The following FGF9 variants were observed in gnomAD, a reference collection of about 807,000 sequenced individuals.
The protein encoded by FGF9 is fibroblast growth factor 9 (glia-activating factor).
FGF9 carries 3 observed loss-of-function variants against 19.9 expected under a neutral mutation model. The observed-to-expected ratio is 0.15, with a 90% CI of 0.07 to 0.39. The LOEUF (loss-of-function observed/expected upper bound fraction) is 0.39, where lower values mean the gene tolerates loss of function less well. FGF9 is among the 10% of genes least tolerant of loss of function. FGF9 has a pLI of 1.00. For missense variants in FGF9, 175 were observed against 256.8 expected (o/e 0.68, Z 2.18); for synonymous variants, 107 against 106.9 (o/e 1.00, Z -0.01).
At chr13:21,679,971 A>T (rs1328881407) in intron 1 of FGF9, among the ~76,000 whole-genome samples, 1 of 151,246 alleles carries the variant, frequency 6.6e-6, no homozygotes, top group Non-Finnish European at 1.5e-5. Context: ...AAAAAAAAAA[A>T]AAAAAAATTA....
At chr13:21,697,928 C>T (rs1872449607) in intron 2 of FGF9, among the ~76,000 whole-genome samples, 1 of 152,094 alleles carries the variant, frequency 6.6e-6, no homozygotes, top group Non-Finnish European at 1.5e-5. Context: ...CTGCCTCAGC[C>T]TCCCGAGTAG....
At chr13:21,673,010 A>G (rs1455758753) in intron 1 of FGF9, among the ~76,000 whole-genome samples, 1 of 152,222 alleles carries the variant, frequency 6.6e-6, no homozygotes, top group Non-Finnish European at 1.5e-5. Context: ...GTGACTCAGC[A>G]CTGAGGGCTG....
At position 21,699,002 on chromosome 13, in the gene FGF9, G is replaced by A. The variant is rs17840916; in HGVS notation, c.382-2188G>A. Among the ~76,000 whole-genome samples, 275 of 152,310 alleles carry A rather than the reference G, an allele frequency of 1.8e-3. 1 individual carries two copies. Among genetic ancestry groups the A allele is most frequent in the African/African-American group, 5.7e-3 (238 of 41,572 alleles). ...CTGTGAGGAGACTATTATGCAAATG[G>A]AAGTAAGGACTAAAATAGCCATTAA... On this transcript the variant is annotated intron_variant, in intron 2 of 2. Transcript: ENST00000382353.
At chr13:21,674,661 G>A (rs1179669363) in intron 1 of FGF9, among the ~76,000 whole-genome samples, 2 of 151,894 alleles carry the variant, frequency 1.3e-5, no homozygotes, top group African/African-American at 4.8e-5. Flanking sequence ...GAGATTATGG[G>A]ATATTCTAGT....
In FGF9 at chr13:21,701,514, CTG is replaced by C; in HGVS notation, c.*83_*84del. 1 of 1,599,154 alleles carries C rather than the reference CTG, an allele frequency of 6.3e-7. No individual in the cohort carries two copies. Among genetic ancestry groups the C allele is most frequent in the Non-Finnish European group, 8.6e-7 (1 of 1,167,512 alleles). The stretch of plus-strand genomic sequence containing the variant: ...CACGCGGTGGGTTCTTATTGATTCG[CTG>C]TGTCATCACATCAGCTCCACTGTTG... On this transcript the variant is annotated 3_prime_UTR_variant, in exon 3 of 3. Transcript: ENST00000382353.
At chr13:21,687,768 G>A (rs1415181085) in intron 2 of FGF9, among the ~76,000 whole-genome samples, 1 of 152,172 alleles carries the variant, frequency 6.6e-6, no homozygotes, top group East Asian at 1.9e-4. Flanking sequence ...TGGTCCTGAT[G>A]GTGAAAGTAT....
intron 2 of FGF9, among the ~76,000 whole-genome samples, chr13:21,682,694 GTTT>G (rs35215268): frequency 8.1e-6 from 1 of 123,946 alleles, no homozygotes. Context: ...CACAACTTCA[GTTT>G]TTTTTTTTTT....
intron 2 of FGF9, among the ~76,000 whole-genome samples, chr13:21,699,396 C>T (rs534567683): frequency 9.8e-5 from 15 of 152,316 alleles, no homozygotes; most frequent in African/African-American, 3.6e-4. Context: ...CAAAACTTGT[C>T]CAGTGAGATA....
intron 1 of FGF9, among the ~76,000 whole-genome samples, chr13:21,675,108 G>C (rs1871879247): frequency 6.6e-6 from 1 of 151,844 alleles, no homozygotes; most frequent in Non-Finnish European, 1.5e-5. Context: ...TGGGGACTGG[G>C]GGCGCCGAGC....
chr13:21,701,512 C>T lies in FGF9; in HGVS notation c.*77C>T, dbSNP rs535082421. ...TTCACGCGGTGGGTTCTTATTGATT[C>T]GCTGTGTCATCACATCAGCTCCACT... On this transcript the variant is annotated 3_prime_UTR_variant, in exon 3 of 3. Coordinates refer to ENST00000382353, the MANE Select transcript of FGF9 (RefSeq NM_002010.3). 8.5e-5 allele frequency: 136 copies of T among 1,601,668 alleles called. 3 individuals carry two copies. In the South Asian group the frequency reaches 1.4e-3, roughly 17 times the overall value.
In FGF9 at chr13:21,704,217, AC is replaced by A. The variant is rs1872604313; in HGVS notation, c.*2783del. 1 of 152,162 alleles carries A rather than the reference AC, an allele frequency of 6.6e-6. No individual in the cohort carries two copies. Among genetic ancestry groups the A allele is most frequent in the African/African-American group, 2.4e-5 (1 of 41,430 alleles). The allele number at this position is 152,162 out of a possible 1,614,324, so 9.4% of individuals were successfully genotyped here. Reference sequence around the variant, plus strand: ...CTGTCTTGTTGGTGCCAACACTTGCACTGTGGTCAAAGACTTACCGAGCATG... The same window carrying A: ...CTGTCTTGTTGGTGCCAACACTTGCATGTGGTCAAAGACTTACCGAGCATG... On this transcript the variant is annotated 3_prime_UTR_variant, in exon 3 of 3. Transcript: ENST00000382353.
chr13:21,682,206 T>TCA (rs945378100), intron 2 of FGF9, among the ~76,000 whole-genome samples: 1 of 151,782 alleles, frequency 6.6e-6, no homozygotes, highest in Non-Finnish European at 1.5e-5. Context: ...AGAGACAAGG[T>TCA]CACGCTATGT....
intron 1 of FGF9, among the ~76,000 whole-genome samples, chr13:21,675,089 G>C (rs1871878747): frequency 6.6e-6 from 1 of 151,454 alleles, no homozygotes; most frequent in African/African-American, 2.4e-5. Flanking sequence ...CGGAAGCCCC[G>C]GCCCAGGTTG....
chr13:21,689,626 A>C (rs1005538399), intron 2 of FGF9, among the ~76,000 whole-genome samples: 1 of 152,174 alleles, frequency 6.6e-6, no homozygotes, highest in Non-Finnish European at 1.5e-5. Context: ...TAGTAATTGC[A>C]CTTCTAAGTG....
chr13:21,681,975 A>G (rs921525752), intron 2 of FGF9, among the ~76,000 whole-genome samples: 2 of 151,854 alleles, frequency 1.3e-5, no homozygotes, highest in African/African-American at 4.8e-5. Context: ...AATGAAATTA[A>G]TCTGTAGCGT....
At chr13:21,683,649 T>C (rs1872092953) in intron 2 of FGF9, among the ~76,000 whole-genome samples, 1 of 152,208 alleles carries the variant, frequency 6.6e-6, no homozygotes, top group African/African-American at 2.4e-5. Flanking sequence ...CCGTGTGTGC[T>C]TGAGAAGCAC....
At chr13:21,674,317 G>C (rs975462134) in intron 1 of FGF9, 2 of 152,024 alleles carry the variant, frequency 1.3e-5, no homozygotes, top group Admixed American at 1.3e-4. Flanking sequence ...AGGTGGGTCG[G>C]GGGCCCCTGG....
Position 21,673,000 on chromosome 13 carries a change from G to A in FGF9, c.277+811G>A, listed in dbSNP as rs755147334. Among the ~76,000 whole-genome samples the A allele has an allele frequency of 6.6e-6, 1 of 152,184 alleles. No individual in the cohort carries two copies. The highest frequency in any genetic ancestry group is 2.1e-4 in the South Asian group (1 of 4,832). On this transcript the variant is annotated intron_variant, in intron 1 of 2. Coordinates refer to ENST00000382353, the MANE Select transcript of FGF9 (RefSeq NM_002010.3). The surrounding 1 kb of genome is among the most constrained non-coding windows in gnomAD (Gnocchi z 4.2). ...TTTCATTTTTCAGCGGAGGGTATTTGTGACTCAGCACTGAGGGCTGCAGAC... is the reference window on the plus strand; with the variant it reads ...TTTCATTTTTCAGCGGAGGGTATTTATGACTCAGCACTGAGGGCTGCAGAC...
At position 21,674,164 on chromosome 13, in the gene FGF9, G is replaced by A. The variant is rs1002101593; in HGVS notation, c.277+1975G>A. The A allele has an allele frequency of 9.1e-5, 14 of 153,696 alleles. 1 individual carries two copies. Among genetic ancestry groups the A allele is most frequent in the South Asian group, 4.1e-4 (2 of 4,852 alleles). 9.5% of individuals were successfully genotyped at this position (153,696 alleles called of 1,614,324 possible). ...TTGCGGTGTGGGAACGGCTGGAGGC[G>A]CGCGCAGCGGCAGGAGAGTTGGTGG... is the stretch of plus-strand genomic sequence containing the variant. On this transcript the variant is annotated intron_variant, in intron 1 of 2. Coordinates refer to ENST00000382353, the MANE Select transcript of FGF9 (RefSeq NM_002010.3).
Sources: gnomAD v4.1 joint callset for allele counts (sites outside exome capture counted in the v4.1 genomes callset) on GRCh38, gnomAD v4.1.1 for gene constraint, Gnocchi (gnomAD v3.1) non-coding constraint, MANE v1.5 for transcripts, NCBI Gene and HGNC (gene_info 2026-07-23, HGNC 2026-07-21) for gene names.